MYO16: variants seen among roughly 807,000 people sequenced by gnomAD.
The protein encoded by MYO16 is myosin XVI, also known as unconventional myosin-XVI.
MYO16 carries 94 observed loss-of-function variants against 205.3 expected under a neutral mutation model. The observed-to-expected ratio is 0.46, with a 90% CI of 0.39 to 0.54. MYO16 has a LOEUF of 0.54. MYO16 is among the 20% of genes least tolerant of loss of function. MYO16 has a pLI of 0.00. For missense variants in MYO16, 2,315 were observed against 2,387.5 expected, an observed-to-expected ratio of 0.97 and a Z score of 0.63; for synonymous variants, 988 against 954.0, an observed-to-expected ratio of 1.04 and a Z score of -0.66.
chr13:108,503,445 G>GT, the MYO16 span, among the ~76,000 whole-genome samples: 31,993 of 148,070 alleles, frequency 0.22, 4,154 homozygotes, highest in African/African-American at 0.37. Context: ...GCTCAAAAAA[G>GT]TTTTTTTTTT....
At chr13:108,795,751 G>A (rs531478375) in intron 6 of MYO16, among the ~76,000 whole-genome samples, 13 of 152,250 alleles carry the variant, frequency 8.5e-5, no homozygotes, top group African/African-American at 2.9e-4. Flanking sequence ...TTTTGTCATG[G>A]ATCCACATTT....
intron 32 of MYO16, among the ~76,000 whole-genome samples, chr13:109,148,071 T>C (rs927811868): frequency 6.6e-6 from 1 of 152,200 alleles, no homozygotes; most frequent in Non-Finnish European, 1.5e-5. Flanking sequence ...AGAGTGCTTG[T>C]GCCTGAGACT....
intron 2 of MYO16, among the ~76,000 whole-genome samples, chr13:108,687,296 T>G (rs2139484437): frequency 6.6e-6 from 1 of 152,250 alleles, no homozygotes; most frequent in Admixed American, 6.5e-5. Flanking sequence ...TTGGCAGAAG[T>G]GGTATGGATA....
At chr13:108,708,775 T>C (rs1883612412) in intron 2 of MYO16, among the ~76,000 whole-genome samples, 1 of 152,196 alleles carries the variant, frequency 6.6e-6, no homozygotes, top group Non-Finnish European at 1.5e-5. Context: ...CCAAAGACCT[T>C]ACAGATAAAT....
In MYO16 at chr13:109,190,206, G is replaced by C. The variant is rs551568671; in HGVS notation, c.5415+10573G>C. Among the ~76,000 whole-genome samples, 3 of 152,202 alleles carry C rather than the reference G, an allele frequency of 2.0e-5. No homozygotes were observed. The South Asian group carries it at 6.2e-4, about 32-fold the overall frequency. ...TATTATCCTATTATATTTTTGTAAAGTTTAGGTTTGTTTTTTACATTTAGG... is the reference window on the plus strand; with the variant it reads ...TATTATCCTATTATATTTTTGTAAACTTTAGGTTTGTTTTTTACATTTAGG... On this transcript the variant is annotated intron_variant, in intron 34 of 34. Coordinates refer to ENST00000457511, the MANE Select transcript of MYO16 (RefSeq NM_001198950.3).
intron 32 of MYO16, among the ~76,000 whole-genome samples, chr13:109,151,289 A>G (rs1175447937): frequency 6.6e-6 from 1 of 152,178 alleles, no homozygotes; most frequent in Non-Finnish European, 1.5e-5. Context: ...TACTGACTCC[A>G]TCCTGGTTTC....
rs757480622 is a variant in MYO16, at chr13:109,052,429, C to A, written c.3002C>A (p.Ala1001Asp). The part of the protein sequence containing the change: ...KSALLSKKMT[A>D]SSIIGENKNY... ...GCCCTGCTCAGTAAGAAAATGACAGCTTCTTCAATTATTGGAGAAAACAAG... is the reference window on the plus strand; with the variant it reads ...GCCCTGCTCAGTAAGAAAATGACAGATTCTTCAATTATTGGAGAAAACAAG... The change falls in exon 25 of 35, where the codon GCT (alanine) becomes GAT (aspartate). Residue 1001 changes from alanine to aspartate, a missense_variant. Around this residue, in one of 3 missense-constraint regions of MYO16, gnomAD observed 1,213 missense variants for 1,274.4 expected, o/e 0.95. Transcript: ENST00000457511. 1.8e-5 allele frequency: 29 copies of A among 1,611,676 alleles called. No individual in the cohort carries two copies. The highest frequency in any genetic ancestry group is 2.3e-5 in the Non-Finnish European group (27 of 1,178,494).
chr13:109,133,833 C>T (rs953556644), intron 31 of MYO16, among the ~76,000 whole-genome samples: 1 of 152,190 alleles, frequency 6.6e-6, no homozygotes, highest in Non-Finnish European at 1.5e-5. Context: ...TACACATGCA[C>T]ACACACCCGG....
At chr13:108,860,658 G>C (rs757111819) in intron 11 of MYO16, among the ~76,000 whole-genome samples, 41 of 152,262 alleles carry the variant, frequency 2.7e-4, no homozygotes, top group Non-Finnish European at 4.3e-4. Context: ...GTGACCATCT[G>C]TTCTTGGACA....
At chr13:108,568,941 C>G in the MYO16 span, among the ~76,000 whole-genome samples, 1 of 151,784 alleles carries the variant, frequency 6.6e-6, no homozygotes, top group South Asian at 2.1e-4. Flanking sequence ...CTATTATTTT[C>G]CTAGTTATAT....
At chr13:109,019,362 A>T (rs956091914) in intron 22 of MYO16, among the ~76,000 whole-genome samples, 2 of 152,128 alleles carry the variant, frequency 1.3e-5, no homozygotes, top group Non-Finnish European at 2.9e-5. Flanking sequence ...GGAATATTTT[A>T]TATGGATTAT....
intron 4 of MYO16, among the ~76,000 whole-genome samples, chr13:108,730,920 C>G (rs1245450715): frequency 6.6e-6 from 1 of 152,160 alleles, no homozygotes; most frequent in Non-Finnish European, 1.5e-5. Context: ...ATTAAGATTA[C>G]CAGTACATTA....
chr13:108,601,267 A>G (rs1185809114), intron 1 of MYO16, among the ~76,000 whole-genome samples: 1 of 152,080 alleles, frequency 6.6e-6, no homozygotes, highest in Non-Finnish European at 1.5e-5. Context: ...AAAATTAGAG[A>G]GCTCCCTGAA....
chr13:108,643,081 C>T (rs543813472), intron 1 of MYO16, among the ~76,000 whole-genome samples: 1 of 152,212 alleles, frequency 6.6e-6, no homozygotes, highest in Non-Finnish European at 1.5e-5. Flanking sequence ...AGGGACCCAC[C>T]ATGTAAGGGA....
the MYO16 span, among the ~76,000 whole-genome samples, chr13:108,520,269 A>G: frequency 6.6e-6 from 1 of 152,144 alleles, no homozygotes; most frequent in Non-Finnish European, 1.5e-5. Context: ...TGCATGTGAA[A>G]TTATTTACAA....
intron 4 of MYO16, among the ~76,000 whole-genome samples, chr13:108,729,180 T>C (rs1206024503): frequency 1.3e-5 from 2 of 152,078 alleles, no homozygotes; most frequent in African/African-American, 2.4e-5. Flanking sequence ...AAGATTTTTG[T>C]TTTGTAGATA....
At chr13:109,008,682 G>A (rs1358403042) in intron 21 of MYO16, among the ~76,000 whole-genome samples, 20 of 140,774 alleles carry the variant, frequency 1.4e-4, no homozygotes, top group Non-Finnish European at 1.9e-4. Flanking sequence ...GTACTATCTT[G>A]TGTATGCACT....
intron 4 of MYO16, among the ~76,000 whole-genome samples, chr13:108,764,518 T>C (rs567890114): frequency 7.2e-5 from 11 of 152,302 alleles, no homozygotes; most frequent in African/African-American, 2.4e-4. Flanking sequence ...GCTGGTTTCA[T>C]TCAAGGCTTT....
chr13:109,187,961 A>G (rs1166426560), intron 34 of MYO16, among the ~76,000 whole-genome samples: 2 of 152,194 alleles, frequency 1.3e-5, no homozygotes, highest in South Asian at 2.1e-4. Context: ...GTCTCCAACT[A>G]TACTGTGGCT....
Sources: gnomAD v4.1 joint callset for allele counts (sites outside exome capture counted in the v4.1 genomes callset) on GRCh38, gnomAD v4.1.1 for gene constraint, gnomAD v4.1.1 regional missense constraint, MANE v1.5 for transcripts, NCBI Gene and HGNC (gene_info 2026-07-23, HGNC 2026-07-21) for gene names.